SKOR2: variants seen among roughly 807,000 people sequenced by gnomAD.
SKOR2 encodes LBX1 corepressor 1-like protein.
Under a neutral mutation model 69.1 loss-of-function variants are expected in SKOR2, and 47 were observed. The observed-to-expected ratio is 0.68, with a 90% confidence interval of 0.54 to 0.87. The LOEUF (loss-of-function observed/expected upper bound fraction) is 0.87, where lower values mean the gene tolerates loss of function less well. SKOR2 is among the 40% of genes least tolerant of loss of function. The pLI is 0.00. For synonymous variants in SKOR2, 717 were observed against 672.6 expected (o/e 1.07, Z -1.02); for missense variants, 1,404 against 1,472.2 (o/e 0.95, Z 0.76).
Position 47,246,640 on chromosome 18 carries a change from G to A in SKOR2, c.2544C>T (p.Gly848=), listed in dbSNP as rs1040071870. 13 of 1,518,222 alleles carry A rather than the reference G, an allele frequency of 8.6e-6. No individual in the cohort carries two copies. In the Admixed American group the frequency reaches 1.2e-4, roughly 14 times the overall value. 94.0% of individuals were successfully genotyped at this position (1,518,222 alleles called of 1,614,324 possible). A position where few individuals can be genotyped will look rare whatever the true frequency, so the allele number is the denominator to read the frequency against. Reference sequence around the variant, plus strand: ...GGCTGCCCGGGCTGCTGCTGCCGCCGCCACTCGCCTTCTGGGGGGCCAGGG... The same window carrying A: ...GGCTGCCCGGGCTGCTGCTGCCGCCACCACTCGCCTTCTGGGGGGCCAGGG... ...PPPLAPQKAS[G]GGSSSPGSPV... The change falls in exon 2 of 9, where the codon GGC becomes GGT. Residue 848 remains glycine, a synonymous_variant. Transcript: ENST00000425639.
chr18:47,218,672 G>A (rs1003323233), intron 7 of SKOR2, among the ~76,000 whole-genome samples: 2 of 149,944 alleles, frequency 1.3e-5, no homozygotes, highest in East Asian at 1.9e-4. Context: ...CCCCTACATC[G>A]AATCTTTTAT....
intron 6 of SKOR2, among the ~76,000 whole-genome samples, chr18:47,223,316 G>C (rs1303257670): frequency 6.6e-6 from 1 of 152,064 alleles, no homozygotes; most frequent in Non-Finnish European, 1.5e-5. Flanking sequence ...GAAAGAAAAG[G>C]AAATAATATG....
chr18:47,216,466 T>A (rs1413802680), intron 7 of SKOR2, among the ~76,000 whole-genome samples: 1 of 152,148 alleles, frequency 6.6e-6, no homozygotes, highest in Non-Finnish European at 1.5e-5. Context: ...CACATTGAGA[T>A]AAGTACACAT....
At chr18:47,237,609 C>T (rs2064229735) in intron 4 of SKOR2, among the ~76,000 whole-genome samples, 1 of 152,026 alleles carries the variant, frequency 6.6e-6, no homozygotes, top group Admixed American at 6.6e-5. Flanking sequence ...AAACTTTTGC[C>T]ATTTGAATAA....
At chr18:47,219,902 C>A in intron 7 of SKOR2, 41 bp downstream of exon 7, 1 of 1,508,526 alleles carries the variant, frequency 6.6e-7, no homozygotes, top group South Asian at 1.2e-5. Flanking sequence ...GAAAACAAAC[C>A]AATTAAGTTG....
intron 4 of SKOR2, among the ~76,000 whole-genome samples, chr18:47,243,561 G>A (rs1451610507): frequency 6.6e-6 from 1 of 152,142 alleles, no homozygotes; most frequent in Non-Finnish European, 1.5e-5. Flanking sequence ...TTCCTTGGTA[G>A]CAATGCTTTC....
intron 7 of SKOR2, 126 bp downstream of exon 7, chr18:47,219,817 A>G (rs1420791855): frequency 2.6e-6 from 2 of 760,840 alleles, no homozygotes; most frequent in African/African-American, 1.8e-5. Flanking sequence ...ATTAGCATCT[A>G]AGCCAGCTGA....
At chr18:47,244,787 A>G in intron 4 of SKOR2, 121 bp downstream of exon 4, 4 of 826,160 alleles carry the variant, frequency 4.8e-6, no homozygotes, top group Non-Finnish European at 7.1e-6. Context: ...TCTTAGTTAT[A>G]TCTACTAGGA....
At position 47,248,380 on chromosome 18, in the gene SKOR2, G is replaced by A. The variant is rs966038805; in HGVS notation, c.804C>T (p.Ala268=). 1 of 1,296,878 alleles carries A rather than the reference G, an allele frequency of 7.7e-7. No homozygotes were observed. The highest frequency in any genetic ancestry group is 9.7e-7 in the Non-Finnish European group (1 of 1,031,586). The allele number at this position is 1,296,878 out of a possible 1,614,324, so 80.3% of individuals were successfully genotyped here. Residue 268 remains alanine (A), a synonymous_variant, in exon 2 of 9, where the codon GCC becomes GCT. Coordinates refer to ENST00000425639, the MANE Select transcript of SKOR2 (RefSeq NM_001278063.4). This position sits in a 1 kb window ranked among gnomAD's most constrained non-coding sequence, Gnocchi z 6.4. ...SVKAAAVAAA[A]AVAGGGGLLG... ...GCAGACCCCCGCCTCCGGCCACCGC[G>A]GCCGCGGCGGCCACGGCGGCCGCCT... is the stretch of plus-strand genomic sequence containing the variant.
chr18:47,222,045 G>A (rs959460957), intron 6 of SKOR2, among the ~76,000 whole-genome samples: 1 of 152,204 alleles, frequency 6.6e-6, no homozygotes, highest in Admixed American at 6.5e-5. Flanking sequence ...GACAGGCCGA[G>A]TGTGGTGGCT....
chr18:47,231,208 C>A (rs1459790229), intron 4 of SKOR2: 1 of 1,529,898 alleles, frequency 6.5e-7, no homozygotes, highest in Non-Finnish European at 8.7e-7. Context: ...GCAGAGCCTG[C>A]CTGGCCTGTG....
At position 47,247,768 on chromosome 18, in the gene SKOR2, C is replaced by A. The variant is rs1328001011; in HGVS notation, c.1416G>T (p.Pro472=). Residue 472 remains proline, a synonymous_variant, in exon 2 of 9, where the codon CCG becomes CCT. Transcript: ENST00000425639. This position sits in a 1 kb window ranked among gnomAD's most constrained non-coding sequence, Gnocchi z 6.6. The part of the protein sequence containing the change: ...AFYPPFCMFW[P]PRTPGGLPVP... ...CCGGGAGCCCGCCAGGGGTCCGCGG[C>A]GGCCAGAACATGCAGAAGGGCGGAT... is the stretch of plus-strand genomic sequence containing the variant. 5.1e-6 allele frequency: 7 copies of A among 1,383,324 alleles called. No homozygotes were observed. Among genetic ancestry groups the A allele is most frequent in the African/African-American group, 1.5e-5 (1 of 65,316 alleles). 85.7% of individuals were successfully genotyped at this position (1,383,324 alleles called of 1,614,324 possible).
Position 47,220,009 on chromosome 18 carries a change from A to G in SKOR2, c.2919T>C (p.Asn973=), listed in dbSNP as rs1325886610. 7 of 1,535,148 alleles carry G rather than the reference A, an allele frequency of 4.6e-6. No individual in the cohort carries two copies. The African/African-American group carries it at 9.6e-5, about 21-fold the overall frequency. The change falls in exon 7 of 9, where the codon AAT becomes AAC. Residue 973 remains asparagine, a splice_region_variant and synonymous_variant. Coordinates refer to ENST00000425639, the MANE Select transcript of SKOR2 (RefSeq NM_001278063.4). ...LKGNTSFPVF[N]NFQDQMKREL... is the part of the protein sequence containing the mutation. ...CCCTTTTCATCTGATCCTGAAAATT[A>G]TCTGGTAGGAGAGAGAGATAGAGAA...
At position 47,247,632 on chromosome 18, in the gene SKOR2, C is replaced by T. The variant is rs1281677404; in HGVS notation, c.1552G>A (p.Gly518Ser). 6.7e-6 allele frequency: 9 copies of T among 1,341,256 alleles called. No homozygotes were observed. Among genetic ancestry groups the T allele is most frequent in the African/African-American group, 1.5e-5 (1 of 65,342 alleles). 83.1% of individuals were successfully genotyped at this position (1,341,256 alleles called of 1,614,324 possible). ...GCGGCCTCGGCGCTCCCAGCAGCAC[C>T]GCCTGGCTCAGCCAGGTCCAGGAAG... ...QAFLDLAEPG[G>S]AAGSAEAAPP... The change falls in exon 2 of 9, where the codon GGT (glycine) becomes AGT (serine). Residue 518 changes from glycine to serine, a missense_variant. Coordinates refer to ENST00000425639, the MANE Select transcript of SKOR2 (RefSeq NM_001278063.4). This position sits in a 1 kb window ranked among gnomAD's most constrained non-coding sequence, Gnocchi z 6.6.
chr18:47,230,833 T>C, intron 5 of SKOR2, 102 bp downstream of exon 5: 1 of 1,169,346 alleles, frequency 8.6e-7, no homozygotes, highest in Non-Finnish European at 1.2e-6. Context: ...CATATGTTGC[T>C]TGTCAAGCTA....
At chr18:47,226,234 A>G (rs1424783611) in intron 6 of SKOR2, among the ~76,000 whole-genome samples, 6 of 152,214 alleles carry the variant, frequency 3.9e-5, no homozygotes, top group Non-Finnish European at 5.9e-5. Context: ...AGAGAGGAAG[A>G]AGAGATACAA....
intron 7 of SKOR2, 52 bp downstream of exon 7, chr18:47,219,891 T>C (rs2064155793): frequency 6.7e-7 from 1 of 1,489,544 alleles, no homozygotes; most frequent in South Asian, 1.2e-5. Flanking sequence ...TTGGGTAGTC[T>C]GAAAACAAAC....
intron 4 of SKOR2, chr18:47,234,349 C>T (rs575198102): frequency 1.3e-5 from 2 of 152,136 alleles, no homozygotes; most frequent in Middle Eastern, 6.8e-3. Flanking sequence ...AGGTTGGCTA[C>T]ATTTTACTTT....
intron 6 of SKOR2, among the ~76,000 whole-genome samples, chr18:47,229,513 G>A (rs1205975322): frequency 6.6e-6 from 1 of 152,040 alleles, no homozygotes; most frequent in Non-Finnish European, 1.5e-5. Flanking sequence ...AATTAGCCAG[G>A]TGTAGTGGTG....
Sources: allele counts gnomAD v4.1 joint callset (sites outside exome capture counted in the v4.1 genomes callset), GRCh38; gene constraint gnomAD v4.1.1; non-coding constraint Gnocchi (gnomAD v3.1); transcripts MANE v1.5; gene names NCBI Gene and HGNC (gene_info 2026-07-23, HGNC 2026-07-21).